Variants in PDCD1LG2 observed in about 807,000 individuals in gnomAD.
PDCD1LG2 encodes the protein programmed cell death 1 ligand 2.
A neutral mutation model predicts 28.2 loss-of-function variants in PDCD1LG2; 32 were observed. The ratio of observed to expected loss-of-function variants is 1.13; its 90% CI spans 0.86 to 1.52. The LOEUF is 1.52. Ranked by LOEUF, PDCD1LG2 falls within the 40% of genes most tolerant of loss-of-function variation. PDCD1LG2 has a pLI of 0.00. For missense variants in PDCD1LG2, 385 were observed against 323.8 expected (o/e 1.19, Z -1.45); for synonymous variants, 116 against 120.2 (o/e 0.97, Z 0.23).
chr9:5,537,530 C>T (rs142778945), intron 3 of PDCD1LG2, among the ~76,000 whole-genome samples: 2,192 of 152,136 alleles, frequency 0.014, 45 homozygotes, highest in Middle Eastern at 0.044. Context: ...ACGTATACAC[C>T]ATAGAATACT....
intron 6 of PDCD1LG2, among the ~76,000 whole-genome samples, chr9:5,568,011 C>A (rs1816698302): frequency 6.6e-6 from 1 of 152,208 alleles, no homozygotes; most frequent in Non-Finnish European, 1.5e-5. Flanking sequence ...ACAGCGTCAG[C>A]ATTCCACATG....
chr9:5,552,929 T>C (rs1461373666), intron 4 of PDCD1LG2, among the ~76,000 whole-genome samples: 8 of 152,152 alleles, frequency 5.3e-5, no homozygotes, highest in South Asian at 4.1e-4. Context: ...GGAGTCATGC[T>C]AAGGATCTTA....
chr9:5,554,441 G>A (rs538572524), intron 4 of PDCD1LG2, among the ~76,000 whole-genome samples: 1 of 152,310 alleles, frequency 6.6e-6, no homozygotes, highest in Non-Finnish European at 1.5e-5. Context: ...GTTGTCTTAT[G>A]ACTGTTCCCT....
chr9:5,546,955 T>C (rs1403378413), intron 3 of PDCD1LG2, among the ~76,000 whole-genome samples: 1 of 152,158 alleles, frequency 6.6e-6, no homozygotes, highest in African/African-American at 2.4e-5. Context: ...CCCTGCTCTC[T>C]AGTGAACCCA....
chr9:5,558,494 C>G (rs938412341), intron 5 of PDCD1LG2, among the ~76,000 whole-genome samples: 1 of 152,222 alleles, frequency 6.6e-6, no homozygotes, highest in South Asian at 2.1e-4. Context: ...TCCTAAACGG[C>G]TCCCTTGTCT....
rs554922359 is a variant in PDCD1LG2 at position 5,544,557 on chromosome 9, AAC to A, written c.362-4774_362-4773del. Among the ~76,000 whole-genome samples the A allele has an allele frequency of 3.1e-3, 465 of 152,338 alleles. 1 individual carries two copies. Among genetic ancestry groups the A allele is most frequent in the Non-Finnish European group, 5.2e-3 (352 of 68,036 alleles). On this transcript the variant is annotated intron_variant, in intron 3 of 6. Coordinates refer to ENST00000397747, the MANE Select transcript of PDCD1LG2 (RefSeq NM_025239.4). ...AGGCCACAGGAGTCTGCCTTCCTGCAACACAGAGCAGAGAAGAAAAAGTGAGA... is the reference window on the plus strand; with the variant it reads ...AGGCCACAGGAGTCTGCCTTCCTGCAACAGAGCAGAGAAGAAAAAGTGAGA...
chr9:5,530,373 T>G (rs1330146213), intron 2 of PDCD1LG2, among the ~76,000 whole-genome samples: 1 of 152,134 alleles, frequency 6.6e-6, no homozygotes, highest in Non-Finnish European at 1.5e-5. Context: ...TTTTCTCCTT[T>G]GTCTAATACC....
chr9:5,559,513 C>T (rs1242113054), intron 5 of PDCD1LG2, among the ~76,000 whole-genome samples: 1 of 152,172 alleles, frequency 6.6e-6, no homozygotes, highest in Admixed American at 6.5e-5. Flanking sequence ...CATTTGTTGG[C>T]TTTCTGACCT....
chr9:5,550,705 T>G (rs1296333844), intron 4 of PDCD1LG2, among the ~76,000 whole-genome samples: 1 of 152,002 alleles, frequency 6.6e-6, no homozygotes, highest in East Asian at 1.9e-4. Context: ...CTCTCTTTTT[T>G]TTTTTTGAGA....
intron 2 of PDCD1LG2, among the ~76,000 whole-genome samples, chr9:5,529,702 G>A (rs1247449461): frequency 1.3e-5 from 2 of 152,060 alleles, no homozygotes; most frequent in African/African-American, 4.8e-5. Flanking sequence ...AAACCAGAGG[G>A]CCACAATGAC....
At chr9:5,543,734 G>A (rs1207176845) in intron 3 of PDCD1LG2, among the ~76,000 whole-genome samples, 1 of 152,116 alleles carries the variant, frequency 6.6e-6, no homozygotes, top group East Asian at 1.9e-4. Context: ...ACAGAAGGGT[G>A]TAAGAAAATC....
chr9:5,532,814 AAAGGAACG>A (rs1388143893), intron 2 of PDCD1LG2, among the ~76,000 whole-genome samples: 1 of 152,236 alleles, frequency 6.6e-6, no homozygotes, highest in Non-Finnish European at 1.5e-5. Context: ...GGTACGAAAG[AAAGGAACG>A]AACATTTGCT....
At chr9:5,543,113 G>C (rs1196854221) in intron 3 of PDCD1LG2, among the ~76,000 whole-genome samples, 1 of 152,142 alleles carries the variant, frequency 6.6e-6, no homozygotes, top group East Asian at 1.9e-4. Flanking sequence ...AAGTAACTCA[G>C]GAATGTAAAA....
chr9:5,527,429 G>C (rs189080799), intron 2 of PDCD1LG2, among the ~76,000 whole-genome samples: 227 of 152,200 alleles, frequency 1.5e-3, no homozygotes, highest in African/African-American at 5.3e-3. Flanking sequence ...TTTGTATCTG[G>C]CTTCTTTCAC....
chr9:5,537,630 C>CA (rs1385637950), intron 3 of PDCD1LG2, among the ~76,000 whole-genome samples: 4 of 151,978 alleles, frequency 2.6e-5, no homozygotes, highest in South Asian at 2.1e-4. Context: ...ATCCCAAGGA[C>CA]AAAAAACCAA....
chr9:5,515,681 T>C (rs1820143463), intron 1 of PDCD1LG2, among the ~76,000 whole-genome samples: 1 of 151,876 alleles, frequency 6.6e-6, no homozygotes, highest in Non-Finnish European at 1.5e-5. Flanking sequence ...TCCCAGCACT[T>C]TGGGAGGCCG....
chr9:5,565,662 TG>T (rs904330522), intron 6 of PDCD1LG2, among the ~76,000 whole-genome samples: 1 of 152,226 alleles, frequency 6.6e-6, no homozygotes, highest in Non-Finnish European at 1.5e-5. Flanking sequence ...TATAATAAAG[TG>T]GGATATTAGT....
chr9:5,554,014 C>A (rs1163033643), intron 4 of PDCD1LG2, among the ~76,000 whole-genome samples: 2 of 152,086 alleles, frequency 1.3e-5, no homozygotes, highest in African/African-American at 4.8e-5. Context: ...CCAAGCCCAC[C>A]CTCTCTCTGG....
At chr9:5,537,678 A>T (rs1051215941) in intron 3 of PDCD1LG2, among the ~76,000 whole-genome samples, 9 of 152,238 alleles carry the variant, frequency 5.9e-5, no homozygotes, top group African/African-American at 2.2e-4. Flanking sequence ...GAATTGAACA[A>T]TGAGAACACA....
Sources: allele counts gnomAD v4.1 joint callset (sites outside exome capture counted in the v4.1 genomes callset), GRCh38; gene constraint gnomAD v4.1.1; transcripts MANE v1.5; gene names NCBI Gene and HGNC (gene_info 2026-07-23, HGNC 2026-07-21).